The following AGK variants were observed in gnomAD, a reference collection of about 807,000 sequenced individuals.
The protein encoded by AGK is acylglycerol kinase, mitochondrial.
A neutral mutation model predicts 66.4 loss-of-function variants in AGK; 52 were observed. The observed-to-expected ratio is 0.78, with a 90% CI of 0.63 to 0.99. AGK has a LOEUF of 0.99. Ranked by LOEUF, AGK falls within the 50% of genes least tolerant of loss-of-function variation. The pLI is 0.00. For missense variants in AGK, 451 were observed against 506.6 expected (o/e 0.89, Z 1.05); for synonymous variants, 182 against 181.1 (o/e 1.00, Z -0.04).
chr7:141,592,124 A>T (rs1796135262), intron 2 of AGK, among the ~76,000 whole-genome samples: 1 of 152,234 alleles, frequency 6.6e-6, no homozygotes, highest in Non-Finnish European at 1.5e-5. Flanking sequence ...TATGTATATT[A>T]GTTTTCTGTT....
intron 2 of AGK, among the ~76,000 whole-genome samples, chr7:141,585,658 C>A (rs1251790618): frequency 6.6e-6 from 1 of 152,106 alleles, no homozygotes; most frequent in Non-Finnish European, 1.5e-5. Flanking sequence ...TGTAAAGTTG[C>A]TATTGGAATA....
chr7:141,614,631 T>C (rs1796668707), intron 7 of AGK, among the ~76,000 whole-genome samples: 1 of 151,176 alleles, frequency 6.6e-6, no homozygotes, highest in Non-Finnish European at 1.5e-5. Flanking sequence ...AACAATACTA[T>C]GTATGGTTAA....
intron 2 of AGK, 83 bp from the exon 3 acceptor site, chr7:141,593,063 T>TA: frequency 8.1e-7 from 1 of 1,242,066 alleles, no homozygotes; most frequent in Non-Finnish European, 1.2e-6. Context: ...GTGCCTATAT[T>TA]AAAAAATTAA....
chr7:141,631,092 C>T (rs1397568075), intron 9 of AGK, among the ~76,000 whole-genome samples: 2 of 152,084 alleles, frequency 1.3e-5, no homozygotes, highest in Admixed American at 6.5e-5. Flanking sequence ...ATTTTTGGCT[C>T]ATGTAAAAGC....
chr7:141,577,818 CTTTTTTTT>C lies in AGK; in HGVS notation c.102-15317_102-15310del, dbSNP rs71172606. Among the ~76,000 whole-genome samples, 100 of 136,444 alleles carry C rather than the reference CTTTTTTTT, an allele frequency of 7.3e-4. 1 individual carries two copies. The highest frequency in any genetic ancestry group is 1.3e-3 in the Non-Finnish European group (80 of 62,880). The allele number at this position is 136,444 out of a possible 152,430, so 89.5% of individuals were successfully genotyped here. A position where few individuals can be genotyped will look rare whatever the true frequency, so the allele number is the denominator to read the frequency against. The stretch of plus-strand genomic sequence containing the variant: ...GATCGAATGCCCCAACATAAATCTT[CTTTTTTTT>C]TTTTTTTTTTGAAACAGAGCCTCAC... On this transcript the variant is annotated intron_variant, in intron 2 of 15. Coordinates refer to ENST00000649286, the MANE Select transcript of AGK (RefSeq NM_018238.4).
chr7:141,647,917 C>T (rs564884021), intron 13 of AGK, among the ~76,000 whole-genome samples: 1 of 152,310 alleles, frequency 6.6e-6, no homozygotes, highest in South Asian at 2.1e-4. Context: ...CTGATCCGCC[C>T]GCCTCGGCCT....
At chr7:141,571,865 GCT>G (rs1795616146) in intron 2 of AGK, among the ~76,000 whole-genome samples, 1 of 152,138 alleles carries the variant, frequency 6.6e-6, no homozygotes, top group South Asian at 2.1e-4. Flanking sequence ...CACAAAGAAA[GCT>G]CTCAGACAGA....
At chr7:141,561,696 A>G (rs949125592) in intron 2 of AGK, among the ~76,000 whole-genome samples, 10 of 151,482 alleles carry the variant, frequency 6.6e-5, no homozygotes, top group Admixed American at 3.3e-4. Flanking sequence ...CCAAGGCCCT[A>G]TGTGATCACA....
At chr7:141,637,066 C>G in intron 11 of AGK, 49 bp downstream of exon 11, 1 of 1,466,622 alleles carries the variant, frequency 6.8e-7, no homozygotes, top group Non-Finnish European at 9.5e-7. Context: ...TTTGTTGTTT[C>G]TCTGTAATGC....
intron 2 of AGK, among the ~76,000 whole-genome samples, chr7:141,556,280 C>T (rs1795208469): frequency 6.6e-6 from 1 of 151,998 alleles, no homozygotes; most frequent in Non-Finnish European, 1.5e-5. Flanking sequence ...GGCGCAGTGG[C>T]TCATGCCTGT....
At chr7:141,646,278 C>T (rs181267742) in intron 13 of AGK, among the ~76,000 whole-genome samples, 4 of 152,144 alleles carry the variant, frequency 2.6e-5, no homozygotes, top group South Asian at 2.1e-4. Context: ...AACCACCACC[C>T]GAGATAGAGG....
chr7:141,561,276 G>A (rs982850521), intron 2 of AGK, among the ~76,000 whole-genome samples: 13 of 152,082 alleles, frequency 8.5e-5, no homozygotes, highest in African/African-American at 3.1e-4. Context: ...TTTCCTTTGG[G>A]TAGATACCCA....
chr7:141,557,003 T>C (rs563655649), intron 2 of AGK, among the ~76,000 whole-genome samples: 2 of 152,240 alleles, frequency 1.3e-5, no homozygotes, highest in East Asian at 1.9e-4. Context: ...GCCAATCAAA[T>C]TGCAGTCTTT....
intron 2 of AGK, among the ~76,000 whole-genome samples, chr7:141,577,444 C>A (rs1333981903): frequency 6.6e-6 from 1 of 152,172 alleles, no homozygotes; most frequent in African/African-American, 2.4e-5. Flanking sequence ...AGGACTTTTC[C>A]TAAGTTCAGC....
intron 4 of AGK, among the ~76,000 whole-genome samples, chr7:141,597,890 C>CA (rs56295907): frequency 0.058 from 4,147 of 71,000 alleles, 465 homozygotes; most frequent in Non-Finnish European, 0.072. Context: ...GACTCTGTCT[C>CA]AAAAAAAAAA....
chr7:141,612,216 A>T (rs923983259), intron 6 of AGK, among the ~76,000 whole-genome samples: 4 of 152,248 alleles, frequency 2.6e-5, no homozygotes, highest in African/African-American at 9.6e-5. Flanking sequence ...GTGAAAGAGG[A>T]TAGTCTGAAA....
intron 2 of AGK, among the ~76,000 whole-genome samples, chr7:141,588,223 A>T (rs1443582736): frequency 6.6e-6 from 1 of 152,198 alleles, no homozygotes; most frequent in African/African-American, 2.4e-5. Context: ...CTGCTTTCCG[A>T]CCCTACTGTT....
intron 8 of AGK, among the ~76,000 whole-genome samples, chr7:141,616,997 T>C (rs867504848): frequency 1.3e-5 from 2 of 152,194 alleles, no homozygotes; most frequent in South Asian, 2.1e-4. Context: ...GACCTCGTGA[T>C]CCGCCCGCCT....
intron 2 of AGK, among the ~76,000 whole-genome samples, chr7:141,566,304 A>G (rs557148700): frequency 6.6e-6 from 1 of 152,316 alleles, no homozygotes; most frequent in South Asian, 2.1e-4. Context: ...CTTCTGTTAT[A>G]AGACTCTACA....
Sources: gnomAD v4.1 joint callset for allele counts (sites outside exome capture counted in the v4.1 genomes callset) on GRCh38, gnomAD v4.1.1 for gene constraint, MANE v1.5 for transcripts, NCBI Gene and HGNC (gene_info 2026-07-23, HGNC 2026-07-21) for gene names.